Variants in BOD1L1 observed in about 807,000 individuals in gnomAD.
BOD1L1 encodes biorientation of chromosomes in cell division 1 like 1, also known as biorientation of chromosomes in cell division protein 1-like 1.
In BOD1L1, 86 loss-of-function variants were observed where a neutral mutation model predicts 240.7. That is an observed-to-expected ratio of 0.36 (90% CI 0.30 to 0.43). BOD1L1 has a LOEUF of 0.43. Ranked by LOEUF, BOD1L1 falls within the 20% of genes least tolerant of loss-of-function variation. BOD1L1 has a pLI of 1.00. For missense variants in BOD1L1, 3,554 were observed against 3,643.5 expected, an observed-to-expected ratio of 0.98 and a Z score of 0.63; for synonymous variants, 1,268 against 1,272.3, an observed-to-expected ratio of 1.00 and a Z score of 0.07.
intron 17 of BOD1L1, among the ~76,000 whole-genome samples, chr4:13,584,294 T>G (rs1267753170): frequency 1.3e-5 from 2 of 152,136 alleles, no homozygotes; most frequent in African/African-American, 2.4e-5. Flanking sequence ...GAGGCTTCAC[T>G]GAGACACTCA....
chr4:13,598,957 A>G lies in BOD1L1; in HGVS notation c.7943T>C (p.Val2648Ala), dbSNP rs1255352140. 6.2e-7 allele frequency: 1 copy of G among 1,605,242 alleles called. No individual in the cohort carries two copies. Among genetic ancestry groups the G allele is most frequent in the Non-Finnish European group, 8.5e-7 (1 of 1,174,002 alleles). Residue 2648 changes from valine (V) to alanine (A), a missense_variant, in exon 10 of 26, where the codon GTG becomes GCG. Around this residue, in one of 2 missense-constraint regions of BOD1L1, gnomAD observed 3,393 missense variants for 3,427.1 expected, o/e 0.99. Transcript: ENST00000040738. ...GTACAGATTCTCACCTATGTCACAC[A>G]CATTTTCTTCAGAAGACACAGTAAC... ...IMVTVSSEENVCDIGNEESPL... is the reference protein window; with the variant it reads ...IMVTVSSEENACDIGNEESPL...
Position 13,613,863 on chromosome 4 carries a change from T to C in BOD1L1, c.1175-202A>G, listed in dbSNP as rs1293245569. On this transcript the variant is annotated intron_variant, in intron 4 of 25. Transcript: ENST00000040738. This position sits in a 1 kb window ranked among gnomAD's most constrained non-coding sequence, Gnocchi z 4.0. ...TAAACTATTAATTTATAATGTATGA[T>C]ATAATAATAAAATGAATTTTAAGTA... Among the ~76,000 whole-genome samples the C allele has an allele frequency of 2.0e-5, 3 of 152,154 alleles. No individual in the cohort carries two copies. Among genetic ancestry groups the C allele is most frequent in the Non-Finnish European group, 4.4e-5 (3 of 68,018 alleles).
chr4:13,574,196 G>C (rs181800797), intron 25 of BOD1L1, among the ~76,000 whole-genome samples: 2 of 152,152 alleles, frequency 1.3e-5, no homozygotes, highest in African/African-American at 4.8e-5. Context: ...GGAGGATGTG[G>C]CTTTCCCTGC....
At chr4:13,594,257 A>G (rs932098939) in intron 12 of BOD1L1, among the ~76,000 whole-genome samples, 48 of 152,208 alleles carry the variant, frequency 3.2e-4, no homozygotes, top group African/African-American at 1.2e-3. Context: ...ACTTGCATGG[A>G]CATTTTAACA....
chr4:13,603,167 C>T lies in BOD1L1; in HGVS notation c.3733G>A (p.Ala1245Thr), dbSNP rs765615103. The change falls in exon 10 of 26, where the codon GCC (alanine) becomes ACC (threonine). Residue 1245 changes from alanine (A) to threonine (T), a missense_variant. By Grantham distance (58) the Ala-to-Thr change is moderately conservative. Around this residue, in one of 2 missense-constraint regions of BOD1L1, gnomAD observed 3,393 missense variants for 3,427.1 expected, o/e 0.99. Coordinates refer to ENST00000040738, the MANE Select transcript of BOD1L1 (RefSeq NM_148894.3). ...SETVHRMLLS[A>T]PSENDRVQKN... The stretch of plus-strand genomic sequence containing the variant: ...TGTACCCTATCATTTTCTGATGGGG[C>T]ACTCAGTAACATTCTATGAACAGTT... The T allele has an allele frequency of 6.8e-6, 11 of 1,613,988 alleles. No homozygotes were observed. The highest frequency in any genetic ancestry group is 3.3e-4 in the Middle Eastern group (2 of 6,062).
At chr4:13,617,262 G>C (rs1312042261) in intron 2 of BOD1L1, among the ~76,000 whole-genome samples, 1 of 135,326 alleles carries the variant, frequency 7.4e-6, no homozygotes, top group African/African-American at 2.8e-5. Context: ...AAAAAAAATA[G>C]AAAATAGAAA....
At chr4:13,616,256 GAGAGGAGTAAGAAATTATTTGCTTATT>G (rs1315103725) in intron 2 of BOD1L1, among the ~76,000 whole-genome samples, 6 of 152,188 alleles carry the variant, frequency 3.9e-5, no homozygotes, top group Non-Finnish European at 8.8e-5. Context: ...TATAGGAAAA[GAGAGGAGTAAGAAATTATTTGCTTATT>G]AGAGGAATAA....
chr4:13,606,831 C>G (rs1715744169), intron 9 of BOD1L1, among the ~76,000 whole-genome samples: 1 of 152,038 alleles, frequency 6.6e-6, no homozygotes, highest in Non-Finnish European at 1.5e-5. Context: ...TTTAGCCTCC[C>G]TTTTTCTTTT....
At chr4:13,586,306 GA>G (rs768245032) in intron 17 of BOD1L1, 89 bp downstream of exon 17, 5 of 629,516 alleles carry the variant, frequency 7.9e-6, no homozygotes, top group African/African-American at 1.9e-5. Context: ...ATAGTAAAAT[GA>G]AAAAAATATT....
intron 10 of BOD1L1, 79 bp downstream of exon 10, chr4:13,598,867 G>C (rs1714828977): frequency 7.2e-7 from 1 of 1,385,962 alleles, no homozygotes. Flanking sequence ...ACCATCTTTT[G>C]GAAGACTGTC....
intron 17 of BOD1L1, among the ~76,000 whole-genome samples, chr4:13,584,920 A>G (rs1713550288): frequency 6.6e-6 from 1 of 152,242 alleles, no homozygotes; most frequent in African/African-American, 2.4e-5. Context: ...GATATTAAAT[A>G]AATGCTATTG....
chr4:13,599,416 A>G lies in BOD1L1; in HGVS notation c.7484T>C (p.Leu2495Ser), dbSNP rs750442559. The G allele has an allele frequency of 6.2e-7, 1 of 1,613,854 alleles. No homozygotes were observed. The highest frequency in any genetic ancestry group is 8.5e-7 in the Non-Finnish European group (1 of 1,179,854). Residue 2495 changes from leucine (L) to serine (S), a missense_variant, in exon 10 of 26, where the codon TTA becomes TCA. By Grantham distance (145) the Leu-to-Ser change is moderately radical. Transcript: ENST00000040738. ...GGCAGGTGAGTTAGCATTCCCCTCT[A>G]AGCCCCTTCCTGCTGAATAACTTGC... ...STASYSAGRG[L>S]EGNANSPAHL...
intron 21 of BOD1L1, among the ~76,000 whole-genome samples, chr4:13,580,733 A>C (rs1577315732): frequency 6.6e-6 from 1 of 152,330 alleles, no homozygotes; most frequent in Non-Finnish European, 1.5e-5. Flanking sequence ...AAAATCTTAT[A>C]AAATAGCTAA....
In BOD1L1 at chr4:13,598,819, A is replaced by G. The variant is rs1031319619; in HGVS notation, c.7954+127T>C. 8 of 1,022,054 alleles carry G rather than the reference A, an allele frequency of 7.8e-6. No homozygotes were observed. In the Admixed American group the frequency reaches 2.0e-4, roughly 25 times the overall value. 63.3% of individuals were successfully genotyped at this position (1,022,054 alleles called of 1,614,324 possible). On this transcript the variant is annotated intron_variant, in intron 10 of 25. Coordinates refer to ENST00000040738, the MANE Select transcript of BOD1L1 (RefSeq NM_148894.3). ...TTATTTTGCAACATTATGATATGAG[A>G]AAAAAATTTATAGATATTTTATCTT...
chr4:13,591,360 A>T (rs989520917), intron 13 of BOD1L1, among the ~76,000 whole-genome samples: 1 of 152,176 alleles, frequency 6.6e-6, no homozygotes, highest in African/African-American at 2.4e-5. Context: ...TAGTACCCCA[A>T]TTCCTCTAGG....
rs753443821 is a variant in BOD1L1, at chr4:13,603,988, T to C, written c.2912A>G (p.Glu971Gly). 6.2e-7 allele frequency: 1 copy of C among 1,613,948 alleles called. No homozygotes were observed. Among genetic ancestry groups the C allele is most frequent in the Non-Finnish European group, 8.5e-7 (1 of 1,179,874 alleles). ...EDKPFEETGV[E>G]PVLETASSSA... ...AGAAGAAGCAGTCTCTAATACAGGT[T>C]CAACACCAGTTTCTTCAAAAGGTTT... Residue 971 changes from glutamate to glycine, a missense_variant, in exon 10 of 26, where the codon GAA (glutamate) becomes GGA (glycine). Glu to Gly is a moderately conservative substitution (Grantham distance 98). Around this residue, in one of 2 missense-constraint regions of BOD1L1, gnomAD observed 3,393 missense variants for 3,427.1 expected, o/e 0.99. Coordinates refer to ENST00000040738, the MANE Select transcript of BOD1L1 (RefSeq NM_148894.3).
intron 7 of BOD1L1, 24 bp from the exon 8 acceptor site, chr4:13,608,692 A>T: frequency 7.2e-7 from 1 of 1,396,702 alleles, no homozygotes. Flanking sequence ...AATCAATAAA[A>T]CGTATTTCAG....
rs773159211 is a variant in BOD1L1 at position 13,603,109 on chromosome 4, T to C, written c.3791A>G (p.His1264Arg). 6.2e-6 allele frequency: 10 copies of C among 1,613,878 alleles called. No homozygotes were observed. The highest frequency in any genetic ancestry group is 8.5e-6 in the Non-Finnish European group (10 of 1,179,886). ...KNLKNTAAEE[H>R]VAQGDATLEH... The stretch of plus-strand genomic sequence containing the variant: ...AAGAGTGGCATCTCCTTGAGCAACA[T>C]GTTCTTCAGCAGCTGTGTTTTTCAA... Residue 1264 changes from histidine to arginine, a missense_variant, in exon 10 of 26, where the codon CAT becomes CGT. Around this residue, in one of 2 missense-constraint regions of BOD1L1, gnomAD observed 3,393 missense variants for 3,427.1 expected, o/e 0.99. Transcript: ENST00000040738.
intron 25 of BOD1L1, among the ~76,000 whole-genome samples, chr4:13,574,098 G>C (rs28671348): frequency 0.035 from 5,272 of 152,298 alleles, 300 homozygotes; most frequent in African/African-American, 0.12. Flanking sequence ...GGCAAAATTA[G>C]ACAGAAGGTT....
Sources: allele counts gnomAD v4.1 joint callset (sites outside exome capture counted in the v4.1 genomes callset), GRCh38; gene constraint gnomAD v4.1.1; regional missense constraint gnomAD v4.1.1; non-coding constraint Gnocchi (gnomAD v3.1); transcripts MANE v1.5; gene names NCBI Gene and HGNC (gene_info 2026-07-23, HGNC 2026-07-21).